TRAK1: variants seen among roughly 807,000 people sequenced by gnomAD.
TRAK1 encodes the protein trafficking kinesin-binding protein 1.
In TRAK1, 33 loss-of-function variants were observed where a neutral mutation model predicts 92.1. The observed-to-expected ratio is 0.36, with a 90% CI of 0.27 to 0.48. The LOEUF (loss-of-function observed/expected upper bound fraction) is 0.48. TRAK1 is among the 20% of genes least tolerant of loss of function. The pLI, the probability that TRAK1 is intolerant of heterozygous loss-of-function variation, is 0.99. For synonymous variants in TRAK1, 521 were observed against 517.3 expected, an observed-to-expected ratio of 1.01 and a Z score of -0.10; for missense variants, 1,123 against 1,257.9, an observed-to-expected ratio of 0.89 and a Z score of 1.62.
chr3:42,020,205 A>C (rs1208824340), intron 1 of TRAK1, among the ~76,000 whole-genome samples: 3 of 152,238 alleles, frequency 2.0e-5, no homozygotes, highest in African/African-American at 7.2e-5. Flanking sequence ...ATCATGTTGC[A>C]TTACCATCTA....
At chr3:42,147,851 C>T (rs1699506730) in intron 2 of TRAK1, among the ~76,000 whole-genome samples, 1 of 152,164 alleles carries the variant, frequency 6.6e-6, no homozygotes, top group Non-Finnish European at 1.5e-5. Flanking sequence ...CTTTGAGGAC[C>T]TCACAACACA....
chr3:42,097,023 C>G (rs552204066), intron 1 of TRAK1, among the ~76,000 whole-genome samples: 4 of 152,204 alleles, frequency 2.6e-5, no homozygotes, highest in African/African-American at 9.7e-5. Context: ...TCTGTGCATG[C>G]GTTTGTATGG....
At chr3:42,214,923 C>T (rs1488019363) in intron 14 of TRAK1, among the ~76,000 whole-genome samples, 1 of 152,224 alleles carries the variant, frequency 6.6e-6, no homozygotes, top group Non-Finnish European at 1.5e-5. Flanking sequence ...CAACATATTA[C>T]AGTTTAAAAT....
At chr3:42,064,906 A>G (rs1370395177) in intron 1 of TRAK1, among the ~76,000 whole-genome samples, 2 of 152,082 alleles carry the variant, frequency 1.3e-5, no homozygotes, top group Admixed American at 1.3e-4. Context: ...ACAAAAAATT[A>G]GCCAGGCATG....
chr3:42,154,471 C>A (rs2149272212), intron 2 of TRAK1, among the ~76,000 whole-genome samples: 1 of 150,642 alleles, frequency 6.6e-6, no homozygotes, highest in East Asian at 2.0e-4. Context: ...CTGCACCCAG[C>A]CTTATTTATT....
chr3:42,110,216 C>T lies in TRAK1; in HGVS notation c.92-15204C>T, dbSNP rs1429699181. On this transcript the variant is annotated intron_variant, in intron 1 of 15. Transcript: ENST00000327628. ...AACCAGAACACTTATAAAAACTGTC[C>T]ATGTGGGGATAACTTGAATAGCCCA... 2.7e-5 allele frequency among the ~76,000 whole-genome samples: 4 copies of T among 148,556 alleles called. No individual in the cohort carries two copies. The Admixed American group carries it at 2.7e-4, about 10-fold the overall frequency.
intron 1 of TRAK1, among the ~76,000 whole-genome samples, chr3:42,072,303 C>T (rs539351584): frequency 6.6e-6 from 1 of 152,050 alleles, no homozygotes; most frequent in Admixed American, 6.6e-5. Flanking sequence ...CTTTTTGGGT[C>T]TTTCAGGTGG....
rs371828009 is a variant in TRAK1 at position 42,117,601 on chromosome 3, T to A, written c.92-7819T>A. On this transcript the variant is annotated intron_variant, in intron 1 of 15. Transcript: ENST00000327628. ...CCTTCTAGACAGCTCTTCTGCACAC[T>A]CTGCTCACCTTGCAGCTACTCAGGT... Among the ~76,000 whole-genome samples, 7 of 152,236 alleles carry A rather than the reference T, an allele frequency of 4.6e-5. No individual in the cohort carries two copies. In the East Asian group the frequency reaches 1.2e-3, roughly 25 times the overall value.
chr3:42,220,537 T>C (rs1710244090), intron 15 of TRAK1: 3 of 985,226 alleles, frequency 3.0e-6, no homozygotes, highest in African/African-American at 3.5e-5. Context: ...ATATGCCCCG[T>C]TGAGCTGAGA....
intron 1 of TRAK1, among the ~76,000 whole-genome samples, chr3:42,101,464 C>T (rs12634543): frequency 0.15 from 22,077 of 152,134 alleles, 1,650 homozygotes; most frequent in South Asian, 0.27. Context: ...AGGAAAGCCT[C>T]GTGGTGCCAG....
chr3:42,161,022 A>C (rs939411174), intron 2 of TRAK1, among the ~76,000 whole-genome samples: 2 of 152,244 alleles, frequency 1.3e-5, no homozygotes, highest in African/African-American at 4.8e-5. Flanking sequence ...ATTTTTAAAA[A>C]AATTATTAAT....
chr3:42,199,984 C>A (rs1202211418), intron 11 of TRAK1, among the ~76,000 whole-genome samples: 2 of 152,214 alleles, frequency 1.3e-5, no homozygotes, highest in Non-Finnish European at 2.9e-5. Context: ...AGGCTTCCAT[C>A]TCCATCTGAA....
In TRAK1 at chr3:42,202,488, G is replaced by T; in HGVS notation, c.1480G>T (p.Asp494Tyr). ...PGTPGTPGSH[D>Y]LETALRRLSL... The stretch of plus-strand genomic sequence containing the variant: ...GACGCCGGGCACCCCAGGCTCCCAC[G>T]ACCTGGAGACGGCGCTGAGGCGGCT... The change falls in exon 13 of 16, where the codon GAC becomes TAC. Residue 494 changes from aspartate (D) to tyrosine (Y), a missense_variant. Physicochemically the swap from Asp to Tyr is radical, Grantham distance 160 (BLOSUM62 -3). Around this residue, in one of 3 missense-constraint regions of TRAK1, gnomAD observed 686 missense variants for 747.6 expected, o/e 0.92. Coordinates refer to ENST00000327628, the MANE Select transcript of TRAK1 (RefSeq NM_001042646.3). This position sits in a 1 kb window ranked among gnomAD's most constrained non-coding sequence, Gnocchi z 6.1. The T allele has an allele frequency of 6.7e-7, 1 of 1,501,690 alleles. No homozygotes were observed. The highest frequency in any genetic ancestry group is 1.4e-5 in the South Asian group (1 of 73,148). 93.0% of individuals were successfully genotyped at this position (1,501,690 alleles called of 1,614,324 possible).
At chr3:42,210,556 G>A in intron 14 of TRAK1, 1 of 1,111,974 alleles carries the variant, frequency 9.0e-7, no homozygotes, top group Non-Finnish European at 1.1e-6. Flanking sequence ...GGGAAATTGA[G>A]TGCTGGGTCA....
chr3:42,176,408 G>A (rs1703216149), intron 2 of TRAK1, among the ~76,000 whole-genome samples: 1 of 152,180 alleles, frequency 6.6e-6, no homozygotes, highest in African/African-American at 2.4e-5. Flanking sequence ...GGTTGGGTCT[G>A]TATGGTTAGT....
In TRAK1 at chr3:42,223,593, T is replaced by C; in HGVS notation, c.2718T>C (p.Gly906=). ...LRCPTVTSAI[G]GLQLNSGIRR... is the part of the protein sequence containing the mutation. ...GCCCCACTGTCACCAGTGCCATCGG[T>C]GGGCTGCAGCTCAATAGTGGCATCC... Residue 906 remains glycine, a synonymous_variant, in exon 16 of 16, where the codon GGT becomes GGC. Coordinates refer to ENST00000327628, the MANE Select transcript of TRAK1 (RefSeq NM_001042646.3). The surrounding 1 kb of genome is among the most constrained non-coding windows in gnomAD (Gnocchi z 6.1). 1 of 1,613,884 alleles carries C rather than the reference T, an allele frequency of 6.2e-7. No individual in the cohort carries two copies. The highest frequency in any genetic ancestry group is 1.1e-5 in the South Asian group (1 of 91,072).
At chr3:42,027,522 GAAA>G (rs754971016) in intron 1 of TRAK1, among the ~76,000 whole-genome samples, 1 of 133,396 alleles carries the variant, frequency 7.5e-6, no homozygotes, top group African/African-American at 2.8e-5. Context: ...GACTCCATCT[GAAA>G]AAAAAAAAAA....
intron 2 of TRAK1, among the ~76,000 whole-genome samples, chr3:42,165,924 G>A (rs1220197609): frequency 6.6e-6 from 1 of 152,066 alleles, no homozygotes; most frequent in African/African-American, 2.4e-5. Context: ...TGGACAAAGA[G>A]CCTACTCACG....
intron 13 of TRAK1, among the ~76,000 whole-genome samples, chr3:42,207,852 A>G (rs1708507335): frequency 6.6e-6 from 1 of 152,188 alleles, no homozygotes; most frequent in African/African-American, 2.4e-5. Flanking sequence ...AGCTCTAGAG[A>G]AAGGCTTCTC....
Sources: gnomAD v4.1 joint callset for allele counts (sites outside exome capture counted in the v4.1 genomes callset) on GRCh38, gnomAD v4.1.1 for gene constraint, gnomAD v4.1.1 regional missense constraint, Gnocchi (gnomAD v3.1) non-coding constraint, MANE v1.5 for transcripts, NCBI Gene and HGNC (gene_info 2026-07-23, HGNC 2026-07-21) for gene names.